Variants in KCNQ3 observed in about 807,000 individuals in gnomAD.
KCNQ3 encodes the protein potassium voltage-gated channel subfamily Q member 3, also known as potassium voltage-gated channel subfamily KQT member 3.
A neutral mutation model predicts 92.5 loss-of-function variants in KCNQ3; 30 were observed. That is an observed-to-expected ratio of 0.32 (90% confidence interval 0.24 to 0.44). KCNQ3 has a LOEUF of 0.44. Ranked by LOEUF, KCNQ3 falls within the 20% of genes least tolerant of loss-of-function variation. The pLI, the probability that KCNQ3 is intolerant of heterozygous loss-of-function variation, is 1.00. For missense variants in KCNQ3, 913 were observed against 1,140.3 expected (o/e 0.80, Z 2.87); for synonymous variants, 450 against 468.8 (o/e 0.96, Z 0.52).
intron 1 of KCNQ3, among the ~76,000 whole-genome samples, chr8:132,379,291 G>T (rs148619848): frequency 1.5e-5 from 2 of 135,134 alleles, no homozygotes; most frequent in Non-Finnish European, 3.0e-5. Flanking sequence ...TTCTGTAGTC[G>T]AAATGATTAG....
chr8:132,340,123 G>A (rs542384297), intron 1 of KCNQ3, among the ~76,000 whole-genome samples: 16 of 152,316 alleles, frequency 1.1e-4, no homozygotes, highest in South Asian at 4.1e-4. Context: ...AGATGCTGGC[G>A]AGGCTGTGGA....
intron 1 of KCNQ3, among the ~76,000 whole-genome samples, chr8:132,221,898 C>T (rs912451931): frequency 3.9e-5 from 6 of 152,096 alleles, no homozygotes; most frequent in Admixed American, 1.3e-4. Flanking sequence ...TTCCTTACAC[C>T]GTATACAAAA....
intron 1 of KCNQ3, among the ~76,000 whole-genome samples, chr8:132,227,096 G>A (rs374830657): frequency 7.2e-6 from 1 of 138,454 alleles, no homozygotes. Flanking sequence ...GAGTCTCGCT[G>A]TGTTGCCAGG....
intron 1 of KCNQ3, among the ~76,000 whole-genome samples, chr8:132,478,303 C>T (rs1822460224): frequency 1.3e-5 from 2 of 152,102 alleles, no homozygotes; most frequent in African/African-American, 4.8e-5. Context: ...GAGGTGCTGG[C>T]TGGGAAAGGT....
At chr8:132,169,761 T>C (rs1826258374) in intron 8 of KCNQ3, among the ~76,000 whole-genome samples, 1 of 152,234 alleles carries the variant, frequency 6.6e-6, no homozygotes, top group African/African-American at 2.4e-5. Flanking sequence ...AGGAATCACC[T>C]GGGGAGCATC....
chr8:132,332,207 G>A (rs1818252478), intron 1 of KCNQ3, among the ~76,000 whole-genome samples: 1 of 152,190 alleles, frequency 6.6e-6, no homozygotes, highest in Admixed American at 6.5e-5. Flanking sequence ...CCTGTGGGGA[G>A]GGACCAGAGC....
chr8:132,466,145 A>C (rs1478298509), intron 1 of KCNQ3, among the ~76,000 whole-genome samples: 4 of 152,146 alleles, frequency 2.6e-5, no homozygotes, highest in Non-Finnish European at 5.9e-5. Context: ...ATCATTAGAT[A>C]CCAGGCATTG....
chr8:132,458,207 G>A (rs1821986480), intron 1 of KCNQ3, among the ~76,000 whole-genome samples: 1 of 152,168 alleles, frequency 6.6e-6, no homozygotes, highest in African/African-American at 2.4e-5. Flanking sequence ...GGGCCACACA[G>A]TGAGAAGTTC....
At chr8:132,287,478 A>G (rs942524116) in intron 1 of KCNQ3, among the ~76,000 whole-genome samples, 4 of 152,244 alleles carry the variant, frequency 2.6e-5, no homozygotes, top group Middle Eastern at 3.2e-3. Flanking sequence ...AATATTCACA[A>G]AAGTACTATT....
intron 1 of KCNQ3, among the ~76,000 whole-genome samples, chr8:132,460,395 T>C (rs997590685): frequency 4.6e-5 from 7 of 152,210 alleles, no homozygotes; most frequent in Non-Finnish European, 1.0e-4. Flanking sequence ...AAATCCATAC[T>C]ACATGGATAC....
In KCNQ3 at chr8:132,132,292, A is replaced by G. The variant is rs761187828; in HGVS notation, c.1800-28T>C. Reference sequence around the variant, plus strand: ...AAGAAGAAGCGAACACTTCTATAAGATCATTATATCTATTTTTGCTATGCA... The same window carrying G: ...AAGAAGAAGCGAACACTTCTATAAGGTCATTATATCTATTTTTGCTATGCA... On this transcript the variant is annotated intron_variant, in intron 13 of 14. Transcript: ENST00000388996. 7 of 1,551,430 alleles carry G rather than the reference A, an allele frequency of 4.5e-6. No homozygotes were observed. The Admixed American group carries it at 5.0e-5, about 11-fold the overall frequency.
chr8:132,430,581 G>A (rs1316709793), intron 1 of KCNQ3, among the ~76,000 whole-genome samples: 3 of 152,192 alleles, frequency 2.0e-5, no homozygotes, highest in Non-Finnish European at 4.4e-5. Flanking sequence ...CCTAGACCAT[G>A]AGTCTGTGCA....
chr8:132,137,997 A>G lies in KCNQ3; in HGVS notation c.1588T>C (p.Tyr530His), dbSNP rs781350596. Reference protein sequence around the residue: ...RAVRILQFRLYKKKFKETLRP... With the variant: ...RAVRILQFRLHKKKFKETLRP... The stretch of plus-strand genomic sequence containing the variant: ...AAAGTCTCCTTGAATTTTTTTTTAT[A>G]GAGACGGAATTGTAGAATTCTGCAA... Residue 530 changes from tyrosine to histidine, a missense_variant, in exon 12 of 15, where the codon TAT becomes CAT. Tyr to His is a moderately conservative substitution (Grantham distance 83, BLOSUM62 2). Around this residue, in one of 6 missense-constraint regions of KCNQ3, gnomAD observed 182 missense variants for 234.5 expected, o/e 0.78. Transcript: ENST00000388996. 8 of 1,611,632 alleles carry G rather than the reference A, an allele frequency of 5.0e-6. No homozygotes were observed. Among genetic ancestry groups the G allele is most frequent in the African/African-American group, 1.3e-5 (1 of 74,890 alleles).
intron 1 of KCNQ3, among the ~76,000 whole-genome samples, chr8:132,441,118 A>G (rs1821524497): frequency 6.6e-6 from 1 of 152,140 alleles, no homozygotes; most frequent in South Asian, 2.1e-4. Flanking sequence ...ACTGGCAGCA[A>G]TGGTGGGGCC....
At chr8:132,360,121 T>C (rs904651281) in intron 1 of KCNQ3, among the ~76,000 whole-genome samples, 1 of 152,188 alleles carries the variant, frequency 6.6e-6, no homozygotes, top group Non-Finnish European at 1.5e-5. Flanking sequence ...ACTCCCTTGC[T>C]TGGGGTGTCA....
chr8:132,293,272 A>T (rs1382783453), intron 1 of KCNQ3, among the ~76,000 whole-genome samples: 1 of 152,214 alleles, frequency 6.6e-6, no homozygotes, highest in East Asian at 1.9e-4. Context: ...CCCAACTGGC[A>T]ACTGCTTGGT....
At chr8:132,195,318 A>C (rs1468353820) in intron 1 of KCNQ3, among the ~76,000 whole-genome samples, 1 of 152,246 alleles carries the variant, frequency 6.6e-6, no homozygotes, top group Non-Finnish European at 1.5e-5. Context: ...TCTTAATACA[A>C]AACTCACAAC....
intron 1 of KCNQ3, among the ~76,000 whole-genome samples, chr8:132,450,288 C>T (rs1318094695): frequency 6.6e-6 from 1 of 152,124 alleles, no homozygotes; most frequent in Non-Finnish European, 1.5e-5. Flanking sequence ...ATTTTACAAA[C>T]CTCTAGCTAG....
At chr8:132,318,669 G>T (rs1817810512) in intron 1 of KCNQ3, among the ~76,000 whole-genome samples, 2 of 152,210 alleles carry the variant, frequency 1.3e-5, no homozygotes, top group Admixed American at 1.3e-4. Flanking sequence ...ATGTAGTTTA[G>T]TGTGTTTGGG....
Sources: gnomAD v4.1 joint callset for allele counts (sites outside exome capture counted in the v4.1 genomes callset) on GRCh38, gnomAD v4.1.1 for gene constraint, gnomAD v4.1.1 regional missense constraint, MANE v1.5 for transcripts, NCBI Gene and HGNC (gene_info 2026-07-23, HGNC 2026-07-21) for gene names.